PDE9A: variants seen among roughly 807,000 people sequenced by gnomAD.
PDE9A encodes phosphodiesterase 9A.
In PDE9A, 60 loss-of-function variants were observed where a neutral mutation model predicts 87.4. The observed-to-expected ratio is 0.69, with a 90% CI of 0.56 to 0.85. PDE9A has a LOEUF of 0.85. PDE9A is among the 40% of genes least tolerant of loss of function. PDE9A has a pLI of 0.00. For synonymous variants in PDE9A, 272 were observed against 279.4 expected (o/e 0.97, Z 0.27); for missense variants, 665 against 779.0 (o/e 0.85, Z 1.74).
rs116652851 is a variant in PDE9A, at chr21:42,697,690, C to T, written c.219-1278C>T. Reference sequence around the variant, plus strand: ...TACAGCTGCCTTCTGGCTGTGCCCTCATGAGGCAGAGCAAGAGACAGCTCT... The same window carrying T: ...TACAGCTGCCTTCTGGCTGTGCCCTTATGAGGCAGAGCAAGAGACAGCTCT... On this transcript the variant is annotated intron_variant, in intron 3 of 19. Transcript: ENST00000291539. Among the ~76,000 whole-genome samples the T allele has an allele frequency of 2.4e-3, 358 of 152,320 alleles. 3 individuals are homozygous for T. The highest frequency in any genetic ancestry group is 8.0e-3 in the African/African-American group (333 of 41,566).
At chr21:42,690,422 G>A (rs936105204) in intron 3 of PDE9A, among the ~76,000 whole-genome samples, 2 of 152,094 alleles carry the variant, frequency 1.3e-5, no homozygotes, top group Non-Finnish European at 2.9e-5. Flanking sequence ...TAGATAATGT[G>A]GCTCTGGACG....
chr21:42,743,792 G>A lies in PDE9A; in HGVS notation c.585G>A (p.Val195=), dbSNP rs2053561451. 6.3e-7 allele frequency: 1 copy of A among 1,591,142 alleles called. No individual in the cohort carries two copies. The highest frequency in any genetic ancestry group is 1.3e-5 in the African/African-American group (1 of 74,440). The change falls in exon 8 of 20, where the codon GTG becomes GTA. Residue 195 remains valine (V), a synonymous_variant. Coordinates refer to ENST00000291539, the MANE Select transcript of PDE9A (RefSeq NM_002606.3). The part of the protein sequence containing the change: ...EKRVELEGLK[V]VEIEKCKSDI... ...TGTCACCAGTGGAAGGACTAAAAGT[G>A]GTGGAGATTGAGAAATGCAAGAGTG...
chr21:42,773,662 G>A (rs192177933), intron 19 of PDE9A, among the ~76,000 whole-genome samples: 5 of 151,958 alleles, frequency 3.3e-5, no homozygotes, highest in African/African-American at 4.8e-5. Context: ...TTAGCCGGGC[G>A]TGGTGGCGGG....
rs1387459248 is a variant in PDE9A at position 42,692,917 on chromosome 21, C to T, written c.218+4923C>T. 1.3e-5 allele frequency among the ~76,000 whole-genome samples: 2 copies of T among 152,182 alleles called. No individual in the cohort carries two copies. On this transcript the variant is annotated intron_variant, in intron 3 of 19. Coordinates refer to ENST00000291539, the MANE Select transcript of PDE9A (RefSeq NM_002606.3). This position sits in a 1 kb window ranked among gnomAD's most constrained non-coding sequence, Gnocchi z 4.3. ...CGGTGCGAGGCCTCGGGAATGCTCA[C>T]CGTTTCTCTCCCGCCCCCCGGCCGC...
chr21:42,774,666 G>C (rs1272874838), intron 19 of PDE9A, among the ~76,000 whole-genome samples: 2 of 152,050 alleles, frequency 1.3e-5, no homozygotes, highest in African/African-American at 4.8e-5. Flanking sequence ...CAGATCACTT[G>C]AGGTCAGGAG....
rs756497907 is a variant in PDE9A at position 42,759,100 on chromosome 21, C to G, written c.897+15C>G. 1 of 1,593,636 alleles carries G rather than the reference C, an allele frequency of 6.3e-7. No homozygotes were observed. Among genetic ancestry groups the G allele is most frequent in the Non-Finnish European group, 8.6e-7 (1 of 1,161,526 alleles). ...GGAGGTGGCTGGTGAGTGCCAAACC[C>G]GCCTTCGGTTCTTCCTGGGCACGTG... On this transcript the variant is annotated intron_variant, in intron 11 of 19. Coordinates refer to ENST00000291539, the MANE Select transcript of PDE9A (RefSeq NM_002606.3). This position sits in a 1 kb window ranked among gnomAD's most constrained non-coding sequence, Gnocchi z 7.2.
At chr21:42,773,341 A>G (rs1286401527) in intron 19 of PDE9A, among the ~76,000 whole-genome samples, 1 of 152,086 alleles carries the variant, frequency 6.6e-6, no homozygotes, top group Non-Finnish European at 1.5e-5. Context: ...TAATTAGCAT[A>G]TGTATCACTT....
At chr21:42,712,512 C>T (rs2049443119) in intron 4 of PDE9A, among the ~76,000 whole-genome samples, 1 of 152,024 alleles carries the variant, frequency 6.6e-6, no homozygotes, top group African/African-American at 2.4e-5. Flanking sequence ...GCTTTTATTT[C>T]TTTTACTTGT....
intron 4 of PDE9A, among the ~76,000 whole-genome samples, chr21:42,725,651 A>G (rs950397360): frequency 2.6e-5 from 4 of 152,166 alleles, no homozygotes; most frequent in African/African-American, 9.7e-5. Flanking sequence ...CCTGGCATCC[A>G]TCCGGGTTGT....
chr21:42,742,087 G>T (rs1189115808), intron 7 of PDE9A, among the ~76,000 whole-genome samples: 1 of 152,184 alleles, frequency 6.6e-6, no homozygotes, highest in Non-Finnish European at 1.5e-5. Context: ...AGTCAGCCAA[G>T]GGTAAATATC....
chr21:42,688,830 C>T (rs1438377681), intron 3 of PDE9A, among the ~76,000 whole-genome samples: 5 of 152,240 alleles, frequency 3.3e-5, no homozygotes, highest in Admixed American at 3.3e-4. Flanking sequence ...TGACCCATGG[C>T]CAGCTCTGAG....
At chr21:42,754,116 C>A in intron 10 of PDE9A, 52 bp downstream of exon 10, 1 of 1,138,818 alleles carries the variant, frequency 8.8e-7, no homozygotes, top group Non-Finnish European at 1.3e-6. Flanking sequence ...AGCTCAGGAT[C>A]TTGGACGCCA....
intron 1 of PDE9A, among the ~76,000 whole-genome samples, chr21:42,670,271 T>TCA (rs539889617): frequency 0.38 from 55,590 of 147,018 alleles, 13,191 homozygotes; most frequent in African/African-American, 0.7. Flanking sequence ...ACACACATAT[T>TCA]CACACATTCA....
chr21:42,713,259 C>T (rs536906122), intron 4 of PDE9A, among the ~76,000 whole-genome samples: 4 of 152,272 alleles, frequency 2.6e-5, no homozygotes, highest in South Asian at 4.1e-4. Context: ...CTCAGCCTCC[C>T]GGGTAGCTGG....
rs2056818370 is a variant in PDE9A at position 42,653,735 on chromosome 21, T to TGCTCCCCTCCCCC, written c.-77_-65dup. 9.9e-6 allele frequency: 2 copies of TGCTCCCCTCCCCC among 201,650 alleles called. No homozygotes were observed. The highest frequency in any genetic ancestry group is 4.6e-4 in the East Asian group (1 of 2,164). The allele number at this position is 201,650 out of a possible 1,614,324, so 12.5% of individuals were successfully genotyped here. ...GCCGCCCCCCGCCCGCCCCCTCCCC[T>TGCTCCCCTCCCCC]GCTCCCCTCCCCCGCCTCCCGCGGC... On this transcript the variant is annotated 5_prime_UTR_variant, in exon 1 of 20. Coordinates refer to ENST00000291539, the MANE Select transcript of PDE9A (RefSeq NM_002606.3).
intron 4 of PDE9A, among the ~76,000 whole-genome samples, chr21:42,713,484 G>T (rs1005393200): frequency 6.6e-6 from 1 of 152,200 alleles, no homozygotes; most frequent in Admixed American, 6.5e-5. Context: ...TTAAGAATGT[G>T]GCTGTCTATG....
chr21:42,735,334 C>T (rs998212610), intron 7 of PDE9A, among the ~76,000 whole-genome samples: 1 of 152,204 alleles, frequency 6.6e-6, no homozygotes, highest in Admixed American at 6.5e-5. Flanking sequence ...AGAGCCAGGC[C>T]GCGCACCCAA....
Position 42,760,487 on chromosome 21 carries a change from C to A in PDE9A, c.1002+55C>A, listed in dbSNP as rs2055602367. The stretch of plus-strand genomic sequence containing the variant: ...TCTACTCTCGGGGGTCAGACGGAGG[C>A]CCCCTTCCAGGGAGCGGCAGCCCCA... On this transcript the variant is annotated intron_variant, in intron 12 of 19. Transcript: ENST00000291539. This position sits in a 1 kb window ranked among gnomAD's most constrained non-coding sequence, Gnocchi z 5.2. 1 of 1,134,022 alleles carries A rather than the reference C, an allele frequency of 8.8e-7. No homozygotes were observed. 70.2% of individuals were successfully genotyped at this position (1,134,022 alleles called of 1,614,324 possible).
chr21:42,670,589 A>G (rs1161630028), intron 1 of PDE9A, among the ~76,000 whole-genome samples: 1 of 151,444 alleles, frequency 6.6e-6, no homozygotes, highest in Non-Finnish European at 1.5e-5. Flanking sequence ...ATACACGCAT[A>G]CACTTACACA....
Sources: allele counts gnomAD v4.1 joint callset (sites outside exome capture counted in the v4.1 genomes callset), GRCh38; gene constraint gnomAD v4.1.1; non-coding constraint Gnocchi (gnomAD v3.1); transcripts MANE v1.5; gene names NCBI Gene and HGNC (gene_info 2026-07-23, HGNC 2026-07-21).